PIBF1: variants seen among roughly 807,000 people sequenced by gnomAD.
PIBF1 encodes the protein progesterone immunomodulatory binding factor 1, also known as progesterone-induced-blocking factor 1.
PIBF1 carries 90 observed loss-of-function variants against 112.5 expected under a neutral mutation model. The observed-to-expected ratio is 0.80, with a 90% CI of 0.67 to 0.95. The LOEUF is 0.95. PIBF1 is among the 40% of genes least tolerant of loss of function. The pLI, the probability that PIBF1 is intolerant of heterozygous loss-of-function variation, is 0.00. For missense variants in PIBF1, 915 were observed against 852.3 expected (o/e 1.07, Z -0.92); for synonymous variants, 301 against 288.6 (o/e 1.04, Z -0.44).
At chr13:72,870,650 A>G (rs1461131401) in intron 10 of PIBF1, among the ~76,000 whole-genome samples, 1 of 152,098 alleles carries the variant, frequency 6.6e-6, no homozygotes, top group African/African-American at 2.4e-5. Flanking sequence ...GCAAAATTTT[A>G]TATATGTTAA....
chr13:72,842,810 A>G (rs1426346763), intron 9 of PIBF1, among the ~76,000 whole-genome samples: 1 of 152,244 alleles, frequency 6.6e-6, no homozygotes, highest in Non-Finnish European at 1.5e-5. Flanking sequence ...TTCTTGAAGT[A>G]TATGGCTCTG....
intron 11 of PIBF1, among the ~76,000 whole-genome samples, chr13:72,907,586 G>A (rs2040744325): frequency 6.6e-6 from 1 of 151,876 alleles, no homozygotes; most frequent in Non-Finnish European, 1.5e-5. Context: ...TTTAAGGTAG[G>A]CCTATAAAGA....
At chr13:72,891,077 G>A (rs77666833) in intron 10 of PIBF1, among the ~76,000 whole-genome samples, 20,210 of 151,976 alleles carry the variant, frequency 0.13, 1,562 homozygotes, top group Non-Finnish European at 0.17. Flanking sequence ...TAAATTTTCT[G>A]TATTCTACAT....
chr13:73,014,722 G>C (rs1378639962), intron 17 of PIBF1, among the ~76,000 whole-genome samples: 1 of 152,066 alleles, frequency 6.6e-6, no homozygotes, highest in Non-Finnish European at 1.5e-5. Context: ...AGACAGTCTT[G>C]CTCTGTTGTC....
chr13:72,976,255 T>C (rs2043018757), intron 16 of PIBF1, among the ~76,000 whole-genome samples: 1 of 151,128 alleles, frequency 6.6e-6, no homozygotes, highest in African/African-American at 2.4e-5. Flanking sequence ...GCCTGAGCAA[T>C]GTAGTGCAAC....
intron 10 of PIBF1, among the ~76,000 whole-genome samples, chr13:72,862,866 A>G (rs2038756284): frequency 6.6e-6 from 1 of 152,236 alleles, no homozygotes; most frequent in Non-Finnish European, 1.5e-5. Context: ...GTGAACGTTT[A>G]GTGTAAAATG....
intron 3 of PIBF1, among the ~76,000 whole-genome samples, chr13:72,793,017 C>T (rs2138404384): frequency 6.6e-6 from 1 of 152,094 alleles, no homozygotes; most frequent in African/African-American, 2.4e-5. Flanking sequence ...TGGAACGATT[C>T]AATAAAAGGA....
At chr13:72,886,818 G>A (rs1334162824) in intron 10 of PIBF1, among the ~76,000 whole-genome samples, 2 of 152,016 alleles carry the variant, frequency 1.3e-5, no homozygotes, top group Non-Finnish European at 2.9e-5. Flanking sequence ...ATGTAGTATT[G>A]CAGCTGAGAA....
intron 16 of PIBF1, among the ~76,000 whole-genome samples, chr13:72,980,657 T>G (rs1277942481): frequency 4.0e-5 from 6 of 151,550 alleles, no homozygotes; most frequent in African/African-American, 1.5e-4. Flanking sequence ...TAGCCAGGCC[T>G]GGGGGCATGC....
At chr13:72,941,432 T>C (rs1350214031) in intron 14 of PIBF1, among the ~76,000 whole-genome samples, 1 of 152,182 alleles carries the variant, frequency 6.6e-6, no homozygotes, top group Non-Finnish European at 1.5e-5. Flanking sequence ...CCTTGATATA[T>C]GCTCTCCTTC....
intron 11 of PIBF1, among the ~76,000 whole-genome samples, chr13:72,897,994 C>A (rs1416931959): frequency 6.6e-6 from 1 of 152,104 alleles, no homozygotes; most frequent in East Asian, 1.9e-4. Context: ...TTTCATCGAA[C>A]AACTGCAGAA....
intron 15 of PIBF1, among the ~76,000 whole-genome samples, chr13:72,971,422 A>C (rs75946682): frequency 0.014 from 2,120 of 152,236 alleles, 66 homozygotes; most frequent in African/African-American, 0.049. Context: ...TGTGATCCTT[A>C]CCATGCTTTG....
chr13:72,869,316 G>A (rs1308683918), intron 10 of PIBF1, among the ~76,000 whole-genome samples: 3 of 152,060 alleles, frequency 2.0e-5, no homozygotes, highest in Admixed American at 6.6e-5. Context: ...GTCCTTTGTA[G>A]GGACATGGAT....
chr13:73,013,973 A>G (rs1017858139), intron 17 of PIBF1, among the ~76,000 whole-genome samples: 2 of 152,168 alleles, frequency 1.3e-5, no homozygotes, highest in Admixed American at 1.3e-4. Flanking sequence ...GAAGGAATTT[A>G]TTCCATAACT....
intron 11 of PIBF1, among the ~76,000 whole-genome samples, chr13:72,907,573 T>C (rs2040743945): frequency 6.6e-6 from 1 of 152,076 alleles, no homozygotes; most frequent in Admixed American, 6.6e-5. Flanking sequence ...CTTTCAACAG[T>C]GTTTTAAGGT....
At chr13:72,915,593 G>A (rs2041059935) in intron 12 of PIBF1, among the ~76,000 whole-genome samples, 1 of 152,176 alleles carries the variant, frequency 6.6e-6, no homozygotes, top group East Asian at 1.9e-4. Flanking sequence ...AGAAACAAGA[G>A]TCAGTTACAT....
chr13:72,875,493 A>G (rs1302292134), intron 10 of PIBF1, among the ~76,000 whole-genome samples: 2 of 152,136 alleles, frequency 1.3e-5, no homozygotes, highest in East Asian at 1.9e-4. Flanking sequence ...TGTGGGGGAA[A>G]AAAAAAAGAA....
At chr13:72,855,728 A>G (rs1356515161) in intron 10 of PIBF1, among the ~76,000 whole-genome samples, 2 of 152,136 alleles carry the variant, frequency 1.3e-5, no homozygotes, top group Non-Finnish European at 2.9e-5. Context: ...AGCTCCTTTC[A>G]TTAGAGTTCC....
intron 10 of PIBF1, among the ~76,000 whole-genome samples, chr13:72,893,051 C>T (rs1161508926): frequency 6.6e-6 from 1 of 152,104 alleles, no homozygotes; most frequent in South Asian, 2.1e-4. Flanking sequence ...TAATATCATA[C>T]CCAGCATTAT....
Sources: allele counts gnomAD v4.1 joint callset (sites outside exome capture counted in the v4.1 genomes callset), GRCh38; gene constraint gnomAD v4.1.1; transcripts MANE v1.5; gene names NCBI Gene and HGNC (gene_info 2026-07-23, HGNC 2026-07-21).